Variants in KCNB2 observed in about 807,000 individuals in gnomAD.
KCNB2 encodes potassium voltage-gated channel subfamily B member 2.
Under a neutral mutation model 61.5 loss-of-function variants are expected in KCNB2, and 15 were observed. That is an observed-to-expected ratio of 0.24 (90% CI 0.16 to 0.38). KCNB2 has a LOEUF of 0.38. Ranked by LOEUF, KCNB2 falls within the 10% of genes least tolerant of loss-of-function variation. KCNB2 has a pLI of 1.00. For missense variants in KCNB2, 828 were observed against 1,125.2 expected, an observed-to-expected ratio of 0.74 and a Z score of 3.78; for synonymous variants, 457 against 446.0, an observed-to-expected ratio of 1.02 and a Z score of -0.31.
Position 72,599,269 on chromosome 8 carries a change from G to T in KCNB2, c.579+30956G>T, listed in dbSNP as rs372354999. 3.3e-5 allele frequency among the ~76,000 whole-genome samples: 5 copies of T among 152,244 alleles called. No homozygotes were observed. In the East Asian group the frequency reaches 9.7e-4, roughly 29 times the overall value. ...AACAGAGATATAGACCAATGGAACAGAACAGAGCCCTCCGAAATAATGCCG... is the reference window on the plus strand; with the variant it reads ...AACAGAGATATAGACCAATGGAACATAACAGAGCCCTCCGAAATAATGCCG... On this transcript the variant is annotated intron_variant, in intron 2 of 2. Transcript: ENST00000523207.
intron 2 of KCNB2, among the ~76,000 whole-genome samples, chr8:72,568,959 A>G (rs910596483): frequency 6.6e-6 from 1 of 151,900 alleles, no homozygotes; most frequent in Non-Finnish European, 1.5e-5. Flanking sequence ...ACCATGTATC[A>G]GAGTTCATAA....
intron 2 of KCNB2, among the ~76,000 whole-genome samples, chr8:72,754,920 C>T (rs1460901387): frequency 6.6e-6 from 1 of 152,034 alleles, no homozygotes; most frequent in African/African-American, 2.4e-5. Context: ...AAAGAGTGCA[C>T]TATGGAAAGG....
chr8:72,829,946 G>T (rs1162802878), intron 2 of KCNB2, among the ~76,000 whole-genome samples: 1 of 133,620 alleles, frequency 7.5e-6, no homozygotes, highest in Non-Finnish European at 1.6e-5. Context: ...AGGGTAGTAA[G>T]AAGGGAAAAA....
chr8:72,913,705 G>A (rs925443219), intron 2 of KCNB2, among the ~76,000 whole-genome samples: 5 of 152,192 alleles, frequency 3.3e-5, no homozygotes, highest in Non-Finnish European at 5.9e-5. Context: ...GCCCTTGACA[G>A]ACACTTCCCA....
At chr8:72,794,436 G>A (rs187788781) in intron 2 of KCNB2, among the ~76,000 whole-genome samples, 2 of 151,826 alleles carry the variant, frequency 1.3e-5, no homozygotes, top group Non-Finnish European at 2.9e-5. Flanking sequence ...GTGGTGGCAC[G>A]TGCCTGTAAT....
chr8:72,918,466 A>G (rs1806443082), intron 2 of KCNB2, among the ~76,000 whole-genome samples: 2 of 152,330 alleles, frequency 1.3e-5, no homozygotes, highest in South Asian at 4.1e-4. Flanking sequence ...AGAAAGCCTA[A>G]GGGCCACAGA....
At chr8:72,859,750 G>T (rs74969784) in intron 2 of KCNB2, among the ~76,000 whole-genome samples, 1 of 104,534 alleles carries the variant, frequency 9.6e-6, no homozygotes, top group Non-Finnish European at 1.7e-5. Flanking sequence ...ATGGAGTTTC[G>T]CTCTTGTTGC....
intron 2 of KCNB2, among the ~76,000 whole-genome samples, chr8:72,670,881 C>T (rs1480838914): frequency 6.6e-6 from 1 of 152,126 alleles, no homozygotes; most frequent in East Asian, 1.9e-4. Flanking sequence ...ATTACCTCTC[C>T]CAAAACAGCT....
rs540874276 is a variant in KCNB2, at chr8:72,669,558, A to T, written c.579+101245A>T. On this transcript the variant is annotated intron_variant, in intron 2 of 2. Transcript: ENST00000523207. Reference sequence around the variant, plus strand: ...GAAACTTCTCTCAGTTTTGAAATTTAAAAAAAACCCTCTAATTGCCCATGG... The same window carrying T: ...GAAACTTCTCTCAGTTTTGAAATTTTAAAAAAACCCTCTAATTGCCCATGG... 7.2e-5 allele frequency among the ~76,000 whole-genome samples: 11 copies of T among 152,096 alleles called. 1 individual carries two copies. Among genetic ancestry groups the T allele is most frequent in the East Asian group, 3.9e-4 (2 of 5,186 alleles).
chr8:72,698,549 T>G (rs1807057827), intron 2 of KCNB2, among the ~76,000 whole-genome samples: 1 of 152,118 alleles, frequency 6.6e-6, no homozygotes, highest in Non-Finnish European at 1.5e-5. Flanking sequence ...AGAACCAGAA[T>G]AGCCAAAGCA....
chr8:72,789,240 A>T (rs1401759436), intron 2 of KCNB2, among the ~76,000 whole-genome samples: 1 of 152,198 alleles, frequency 6.6e-6, no homozygotes, highest in African/African-American at 2.4e-5. Flanking sequence ...TAATGTTTGC[A>T]ATAATATTGA....
At chr8:72,774,927 G>A (rs1808622472) in intron 2 of KCNB2, among the ~76,000 whole-genome samples, 1 of 152,048 alleles carries the variant, frequency 6.6e-6, no homozygotes, top group Non-Finnish European at 1.5e-5. Flanking sequence ...ACCCAACCCG[G>A]TTTGCATTAC....
chr8:72,724,526 G>A (rs993216466), intron 2 of KCNB2, among the ~76,000 whole-genome samples: 47 of 152,052 alleles, frequency 3.1e-4, no homozygotes, highest in Admixed American at 1.1e-3. Context: ...TTTCTTTTCC[G>A]GCCATATCAT....
At chr8:72,703,416 A>G (rs1430017574) in intron 2 of KCNB2, among the ~76,000 whole-genome samples, 1 of 152,188 alleles carries the variant, frequency 6.6e-6, no homozygotes, top group African/African-American at 2.4e-5. Context: ...CTTCAACATC[A>G]CTGCCACAAC....
chr8:72,675,569 A>G (rs969726645), intron 2 of KCNB2, among the ~76,000 whole-genome samples: 2 of 151,402 alleles, frequency 1.3e-5, no homozygotes, highest in African/African-American at 2.4e-5. Context: ...CTGGAGTGCA[A>G]TGGTGCCATC....
At chr8:72,613,961 G>T (rs943985500) in intron 2 of KCNB2, among the ~76,000 whole-genome samples, 1 of 152,202 alleles carries the variant, frequency 6.6e-6, no homozygotes, top group African/African-American at 2.4e-5. Context: ...CTGTTGCTGA[G>T]ATAATGACAC....
At chr8:72,583,948 CA>C (rs71566823) in intron 2 of KCNB2, among the ~76,000 whole-genome samples, 3,656 of 100,788 alleles carry the variant, frequency 0.036, 96 homozygotes, top group African/African-American at 0.11. Flanking sequence ...AATAGAATAT[CA>C]AAAAAAAAAA....
intron 2 of KCNB2, among the ~76,000 whole-genome samples, chr8:72,830,752 C>T (rs1284022227): frequency 6.6e-6 from 1 of 152,204 alleles, no homozygotes; most frequent in East Asian, 1.9e-4. Context: ...AACACCTGGT[C>T]TCTTGGTTTT....
intron 2 of KCNB2, among the ~76,000 whole-genome samples, chr8:72,906,138 G>C (rs955700250): frequency 6.6e-6 from 1 of 152,184 alleles, no homozygotes; most frequent in Non-Finnish European, 1.5e-5. Flanking sequence ...AAGTAAAACT[G>C]TTTGCTATAT....
Sources: gnomAD v4.1 joint callset for allele counts (sites outside exome capture counted in the v4.1 genomes callset) on GRCh38, gnomAD v4.1.1 for gene constraint, MANE v1.5 for transcripts, NCBI Gene and HGNC (gene_info 2026-07-23, HGNC 2026-07-21) for gene names.